The following PTPRD variants were observed in gnomAD, a reference collection of about 807,000 sequenced individuals.
PTPRD encodes receptor-type tyrosine-protein phosphatase delta.
Under a neutral mutation model 214.5 loss-of-function variants are expected in PTPRD, and 34 were observed. The observed-to-expected ratio is 0.16, with a 90% CI of 0.12 to 0.21. The LOEUF (loss-of-function observed/expected upper bound fraction) is 0.21, where lower values mean the gene tolerates loss of function less well. Among genes scored for constraint, PTPRD ranks in the 10% least tolerant of loss-of-function variants. The pLI is 1.00. For synonymous variants in PTPRD, 1,128 were observed against 845.7 expected (o/e 1.33, Z -5.79); for missense variants, 2,545 against 2,398.7 (o/e 1.06, Z -1.27).
chr9:8,502,838 A>ATG (rs144848141), intron 23 of PTPRD, among the ~76,000 whole-genome samples: 36,832 of 146,986 alleles, frequency 0.25, 4,838 homozygotes, highest in African/African-American at 0.35. Context: ...TTCAATATGT[A>ATG]TGTGTGTGTG....
chr9:9,263,029 T>C (rs2099980819), intron 9 of PTPRD, among the ~76,000 whole-genome samples: 1 of 151,632 alleles, frequency 6.6e-6, no homozygotes, highest in Admixed American at 6.6e-5. Context: ...TTTCATATAA[T>C]ACCAAGGGAT....
intron 2 of PTPRD, among the ~76,000 whole-genome samples, chr9:10,452,019 TC>T (rs1372578154): frequency 6.6e-6 from 1 of 152,006 alleles, no homozygotes; most frequent in Non-Finnish European, 1.5e-5. Context: ...AATTAAAAAT[TC>T]CTTACACTTC....
chr9:8,823,992 G>A (rs1184638754), intron 11 of PTPRD, among the ~76,000 whole-genome samples: 1 of 152,194 alleles, frequency 6.6e-6, no homozygotes, highest in African/African-American at 2.4e-5. Context: ...GTAACTTCCT[G>A]ATGTTGCCAT....
chr9:8,724,406 G>A (rs2098535673), intron 12 of PTPRD, among the ~76,000 whole-genome samples: 1 of 152,070 alleles, frequency 6.6e-6, no homozygotes, highest in Non-Finnish European at 1.5e-5. Flanking sequence ...TATCACCCTG[G>A]TCCCTTGTAC....
chr9:10,425,649 G>GA (rs2098606663), intron 2 of PTPRD, among the ~76,000 whole-genome samples: 1 of 151,804 alleles, frequency 6.6e-6, no homozygotes, highest in Non-Finnish European at 1.5e-5. Context: ...ACTAAAATTT[G>GA]TTTTTTAGTC....
At chr9:9,509,469 A>T (rs902794260) in intron 8 of PTPRD, among the ~76,000 whole-genome samples, 1 of 151,378 alleles carries the variant, frequency 6.6e-6, no homozygotes, top group African/African-American at 2.4e-5. Flanking sequence ...ATGACACACC[A>T]GACCCCTCAC....
intron 26 of PTPRD, among the ~76,000 whole-genome samples, chr9:8,496,950 C>G (rs1242763857): frequency 2.0e-5 from 3 of 152,200 alleles, no homozygotes; most frequent in African/African-American, 7.2e-5. Context: ...GACAACACCC[C>G]TGTGTTTTAA....
chr9:9,251,255 G>C (rs756199804), intron 9 of PTPRD, among the ~76,000 whole-genome samples: 5 of 151,960 alleles, frequency 3.3e-5, no homozygotes, highest in Non-Finnish European at 7.4e-5. Context: ...AGATTGACTG[G>C]CATCTGAATG....
chr9:9,853,603 C>T (rs553737338), intron 5 of PTPRD, among the ~76,000 whole-genome samples: 83 of 151,802 alleles, frequency 5.5e-4, no homozygotes, highest in Non-Finnish European at 1.1e-3. Context: ...GGCTGGAGTG[C>T]GGTGGTACTA....
At chr9:9,483,457 T>C (rs1279995080) in intron 8 of PTPRD, among the ~76,000 whole-genome samples, 2 of 151,942 alleles carry the variant, frequency 1.3e-5, no homozygotes, top group Non-Finnish European at 2.9e-5. Flanking sequence ...AACCTAGAGG[T>C]GAGGAAAAGC....
rs978634192 is a variant in PTPRD at position 8,973,373 on chromosome 9, T to C, written c.-104+45324A>G. Among the ~76,000 whole-genome samples the C allele has an allele frequency of 2.8e-4, 43 of 152,080 alleles. 1 individual carries two copies. The highest frequency in any genetic ancestry group is 2.8e-3 in the Admixed American group (43 of 15,234). On this transcript the variant is annotated intron_variant, in intron 11 of 45. Transcript: ENST00000381196. ...GGATAATGACCCCTAGCTTTAACCATGTTGCTGCAAAGGACATGATTTCAT... is the reference window on the plus strand; with the variant it reads ...GGATAATGACCCCTAGCTTTAACCACGTTGCTGCAAAGGACATGATTTCAT...
rs535633933 is a variant in PTPRD at position 8,558,856 on chromosome 9, G to C, written c.353-30077C>G. ...ATAAAATGGTAATTGCCACAAAATGGTGCTTGGCATTCTAAAAAAATTAAA... is the reference window on the plus strand; with the variant it reads ...ATAAAATGGTAATTGCCACAAAATGCTGCTTGGCATTCTAAAAAAATTAAA... On this transcript the variant is annotated intron_variant, in intron 14 of 45. Coordinates refer to ENST00000381196, the MANE Select transcript of PTPRD (RefSeq NM_002839.4). 2.0e-5 allele frequency among the ~76,000 whole-genome samples: 3 copies of C among 152,192 alleles called. No homozygotes were observed. In the South Asian group the frequency reaches 6.2e-4, roughly 32 times the overall value.
chr9:8,439,198 T>A (rs2095459304), intron 34 of PTPRD, among the ~76,000 whole-genome samples: 1 of 152,190 alleles, frequency 6.6e-6, no homozygotes, highest in Non-Finnish European at 1.5e-5. Context: ...GAAAGAACCC[T>A]GGCTTAGAAT....
intron 4 of PTPRD, among the ~76,000 whole-genome samples, chr9:9,977,136 G>A (rs895519566): frequency 9.9e-5 from 15 of 152,144 alleles, no homozygotes; most frequent in African/African-American, 3.4e-4. Context: ...CAAAATCTCT[G>A]AAGCTTGCAG....
intron 3 of PTPRD, among the ~76,000 whole-genome samples, chr9:10,244,537 C>G (rs1243707981): frequency 6.6e-6 from 1 of 152,046 alleles, no homozygotes; most frequent in East Asian, 1.9e-4. Flanking sequence ...TTTTTTACAA[C>G]AAAAGTAGTT....
intron 14 of PTPRD, among the ~76,000 whole-genome samples, chr9:8,597,378 A>G (rs192515609): frequency 4.8e-4 from 73 of 152,286 alleles, no homozygotes; most frequent in African/African-American, 1.6e-3. Context: ...TTTCAGTTCT[A>G]TATTTCCATT....
chr9:10,574,217 G>T (rs1005227109), intron 2 of PTPRD, among the ~76,000 whole-genome samples: 1 of 151,998 alleles, frequency 6.6e-6, no homozygotes, highest in Non-Finnish European at 1.5e-5. Flanking sequence ...GTGTGTGCGT[G>T]CATGTGTGTG....
chr9:8,319,783 G>A (rs770464477), intron 45 of PTPRD, 48 bp downstream of exon 45: 4 of 1,608,334 alleles, frequency 2.5e-6, no homozygotes, highest in East Asian at 2.2e-5. Flanking sequence ...GTCCAGGCTA[G>A]CAAAACGTAG....
At chr9:9,406,923 C>T (rs1463741118) in intron 8 of PTPRD, among the ~76,000 whole-genome samples, 2 of 150,624 alleles carry the variant, frequency 1.3e-5, no homozygotes, top group Non-Finnish European at 3.0e-5. Context: ...TAATGCTGAG[C>T]ACTGGAGCTC....
Sources: allele counts gnomAD v4.1 joint callset (sites outside exome capture counted in the v4.1 genomes callset), GRCh38; gene constraint gnomAD v4.1.1; transcripts MANE v1.5; gene names NCBI Gene and HGNC (gene_info 2026-07-23, HGNC 2026-07-21).